RSF1: variants seen among roughly 807,000 people sequenced by gnomAD.
RSF1 encodes the protein remodeling and spacing factor 1, also known as HBV pX-associated protein 8.
Under a neutral mutation model 145.2 loss-of-function variants are expected in RSF1, and 13 were observed. The observed-to-expected ratio is 0.09, with a 90% CI of 0.06 to 0.14. The LOEUF (loss-of-function observed/expected upper bound fraction) is 0.14, where lower values mean the gene tolerates loss of function less well. Ranked by LOEUF, RSF1 falls within the 10% of genes least tolerant of loss-of-function variation. The pLI, the probability that RSF1 is intolerant of heterozygous loss-of-function variation, is 1.00. For missense variants in RSF1, 1,517 were observed against 1,718.2 expected (o/e 0.88, Z 2.07); for synonymous variants, 577 against 592.6 (o/e 0.97, Z 0.38).
At chr11:77,709,106 CTGT>C (rs1960619205) in intron 5 of RSF1, among the ~76,000 whole-genome samples, 1 of 152,168 alleles carries the variant, frequency 6.6e-6, no homozygotes, top group East Asian at 1.9e-4. Flanking sequence ...AGGGTCCTGA[CTGT>C]TGTTGTCAGC....
At chr11:77,736,395 T>C (rs1477940657) in intron 4 of RSF1, among the ~76,000 whole-genome samples, 1 of 152,218 alleles carries the variant, frequency 6.6e-6, no homozygotes, top group Non-Finnish European at 1.5e-5. Context: ...CTTTACTATA[T>C]TAATGTTTCT....
intron 5 of RSF1, among the ~76,000 whole-genome samples, chr11:77,721,432 T>C (rs532388187): frequency 3.3e-5 from 5 of 152,208 alleles, no homozygotes; most frequent in Non-Finnish European, 7.4e-5. Flanking sequence ...ACAGGGTTTT[T>C]GGGGGCTGAA....
In RSF1 at chr11:77,751,152, A is replaced by G. The variant is rs570030687; in HGVS notation, c.280-4024T>C. ...AAGGTTCCGTATCAGCTCAATATAT[A>G]TAGGAAAGGTGACTTCACATGCCTA... On this transcript the variant is annotated intron_variant, in intron 2 of 15. Transcript: ENST00000308488. Among the ~76,000 whole-genome samples, 3 of 152,318 alleles carry G rather than the reference A, an allele frequency of 2.0e-5. No homozygotes were observed. The East Asian group carries it at 5.8e-4, about 29-fold the overall frequency.
intron 11 of RSF1, among the ~76,000 whole-genome samples, chr11:77,678,593 G>A (rs562584973): frequency 3.7e-4 from 57 of 152,240 alleles, no homozygotes; most frequent in Admixed American, 9.8e-4. Flanking sequence ...TCCCCATGTT[G>A]AAATATTAAA....
the RSF1 span, among the ~76,000 whole-genome samples, chr11:77,858,705 G>A: frequency 6.6e-5 from 10 of 152,096 alleles, no homozygotes; most frequent in African/African-American, 1.7e-4. Context: ...GCTGAATTGG[G>A]GCATAGTAGG....
At chr11:77,777,461 C>T (rs924914366) in intron 1 of RSF1, among the ~76,000 whole-genome samples, 1 of 151,944 alleles carries the variant, frequency 6.6e-6, no homozygotes, top group African/African-American at 2.4e-5. Context: ...GGCGTGGTGG[C>T]GGGCGCCTGT....
the RSF1 span, among the ~76,000 whole-genome samples, chr11:77,852,255 A>T: frequency 1.4e-5 from 2 of 145,970 alleles, no homozygotes; most frequent in Non-Finnish European, 3.1e-5. Context: ...GAAGAAGAAG[A>T]AGTTCAAAGA....
intron 15 of RSF1, 73 bp downstream of exon 15, chr11:77,671,969 C>A: frequency 7.6e-7 from 1 of 1,320,816 alleles, no homozygotes; most frequent in Admixed American, 2.3e-5. Context: ...TACAGAATCA[C>A]AATCCTGAGT....
chr11:77,700,993 G>A lies in RSF1; in HGVS notation c.2236C>T (p.Pro746Ser). Residue 746 changes from proline to serine, a missense_variant, in exon 6 of 16, where the codon CCC becomes TCC. By Grantham distance (74) the Pro-to-Ser change is moderately conservative. Transcript: ENST00000308488. ...TIRISSRKKK[P>S]DSPPKVLEPE... ...TCTAGAACTTTGGGGGGAGAATCGG[G>A]CTTCTTTTTCCGACTTGATATCCTG... 2 of 1,613,412 alleles carry A rather than the reference G, an allele frequency of 1.2e-6. No individual in the cohort carries two copies. The highest frequency in any genetic ancestry group is 1.7e-6 in the Non-Finnish European group (2 of 1,179,998).
intron 2 of RSF1, among the ~76,000 whole-genome samples, chr11:77,756,115 T>G (rs1400435273): frequency 6.6e-6 from 1 of 152,116 alleles, no homozygotes; most frequent in African/African-American, 2.4e-5. Context: ...CCCAGCACTT[T>G]GGGAGTGCAA....
intron 9 of RSF1, among the ~76,000 whole-genome samples, chr11:77,686,408 CAAAA>C (rs564410248): frequency 2.4e-4 from 9 of 37,130 alleles, no homozygotes; most frequent in African/African-American, 6.1e-4. Flanking sequence ...GACCCTGTCT[CAAAA>C]AAAAAAAAAA....
intron 3 of RSF1, among the ~76,000 whole-genome samples, chr11:77,746,118 GA>G (rs1947997018): frequency 6.6e-6 from 1 of 151,980 alleles, no homozygotes; most frequent in Non-Finnish European, 1.5e-5. Context: ...CAAAAATTGG[GA>G]TTAATAAAAG....
At chr11:77,684,254 AT>A (rs780024658) in intron 10 of RSF1, among the ~76,000 whole-genome samples, 10 of 152,338 alleles carry the variant, frequency 6.6e-5, no homozygotes, top group Non-Finnish European at 1.3e-4. Flanking sequence ...ACTTATACAC[AT>A]TTTTACAAAT....
intron 1 of RSF1, among the ~76,000 whole-genome samples, chr11:77,788,584 G>A (rs1481266871): frequency 6.7e-6 from 1 of 150,348 alleles, no homozygotes; most frequent in Non-Finnish European, 1.5e-5. Flanking sequence ...AACTGCCTTA[G>A]TCTAGTGAAA....
rs1959218165 is a variant in RSF1, at chr11:77,660,091, A to G, written c.*6826T>C. On this transcript the variant is annotated 3_prime_UTR_variant, in exon 16 of 16. Transcript: ENST00000308488. Reference sequence around the variant, plus strand: ...GTATTATAATAAAACATTTTGAAAGAAAAAGTTACACAATTAGGCCAATAG... The same window carrying G: ...GTATTATAATAAAACATTTTGAAAGGAAAAGTTACACAATTAGGCCAATAG... The G allele has an allele frequency of 6.6e-6, 1 of 152,244 alleles. No homozygotes were observed. The highest frequency in any genetic ancestry group is 1.5e-5 in the Non-Finnish European group (1 of 68,034). 9.4% of individuals were successfully genotyped at this position (152,244 alleles called of 1,614,324 possible).
At position 77,700,818 on chromosome 11, in the gene RSF1, TCTC is replaced by T. The variant is rs1251753457; in HGVS notation, c.2408_2410del (p.Gly803del). 1 of 1,612,882 alleles carries T rather than the reference TCTC, an allele frequency of 6.2e-7. No individual in the cohort carries two copies. Among genetic ancestry groups the T allele is most frequent in the East Asian group, 2.2e-5 (1 of 44,880 alleles). ...TGTTGACTCTTCTTCCACCTCATCT[TCTC>T]CTTCCCCTCTTTTTTTATCAGCTTT... On this transcript the variant is annotated inframe_deletion, in exon 6 of 16. Transcript: ENST00000308488.
At chr11:77,826,962 G>A in the RSF1 span, among the ~76,000 whole-genome samples, 11 of 152,028 alleles carry the variant, frequency 7.2e-5, no homozygotes, top group Admixed American at 2.0e-4. Context: ...AAAATTAGCC[G>A]GGTGTGGTGG....
At chr11:77,824,117 T>C (rs1949064741), upstream of RSF1, among the ~76,000 whole-genome samples, 1 of 152,228 alleles carries the variant, frequency 6.6e-6, no homozygotes. Flanking sequence ...TAAGCATGCC[T>C]TCCTTCACTA....
chr11:77,753,743 G>A (rs1047146212), intron 2 of RSF1, among the ~76,000 whole-genome samples: 3 of 152,200 alleles, frequency 2.0e-5, no homozygotes, highest in Non-Finnish European at 4.4e-5. Flanking sequence ...AAGGTAACAA[G>A]ACATGCAACT....
Sources: allele counts gnomAD v4.1 joint callset (sites outside exome capture counted in the v4.1 genomes callset), GRCh38; gene constraint gnomAD v4.1.1; transcripts MANE v1.5; gene names NCBI Gene and HGNC (gene_info 2026-07-23, HGNC 2026-07-21).